The following CADM1 variants were observed in gnomAD, a reference collection of about 807,000 sequenced individuals.
The protein encoded by CADM1 is TSLC-1.
In CADM1, 15 loss-of-function variants were observed where a neutral mutation model predicts 53.1. The observed-to-expected ratio is 0.28, with a 90% confidence interval of 0.19 to 0.44. The LOEUF (loss-of-function observed/expected upper bound fraction) is 0.44, where lower values mean the gene tolerates loss of function less well. Among genes scored for constraint, CADM1 ranks in the 20% least tolerant of loss-of-function variants. The pLI, the probability that CADM1 is intolerant of heterozygous loss-of-function variation, is 1.00. For missense variants in CADM1, 434 were observed against 611.3 expected, an observed-to-expected ratio of 0.71 and a Z score of 3.06; for synonymous variants, 281 against 243.0, an observed-to-expected ratio of 1.16 and a Z score of -1.45.
intron 4 of CADM1, among the ~76,000 whole-genome samples, chr11:115,229,790 A>C (rs1470600119): frequency 6.6e-6 from 1 of 152,230 alleles, no homozygotes; most frequent in Non-Finnish European, 1.5e-5. Context: ...ATCAACAATT[A>C]AGAGAGAAAG....
intron 1 of CADM1, among the ~76,000 whole-genome samples, chr11:115,343,607 A>C (rs944086832): frequency 6.6e-6 from 1 of 152,100 alleles, no homozygotes; most frequent in Non-Finnish European, 1.5e-5. Context: ...TAAAAAGGGA[A>C]AAAGCTGGGG....
At chr11:115,238,316 C>T (rs1284039525) in intron 3 of CADM1, among the ~76,000 whole-genome samples, 184 bp downstream of exon 3, 2 of 152,184 alleles carry the variant, frequency 1.3e-5, no homozygotes, top group African/African-American at 2.4e-5. Context: ...TCTATAAAGA[C>T]TGCTGATTGC....
intron 1 of CADM1, among the ~76,000 whole-genome samples, chr11:115,375,869 A>C (rs1489316592): frequency 6.6e-6 from 1 of 152,180 alleles, no homozygotes; most frequent in Non-Finnish European, 1.5e-5. Context: ...CTCAACTTAC[A>C]ATATTAAATT....
chr11:115,246,689 A>G (rs576131494), intron 1 of CADM1, among the ~76,000 whole-genome samples: 3 of 152,288 alleles, frequency 2.0e-5, no homozygotes, highest in South Asian at 4.1e-4. Flanking sequence ...ATTCATTGCT[A>G]ATTACAAAAG....
At chr11:115,466,795 T>C (rs1226484602) in intron 1 of CADM1, among the ~76,000 whole-genome samples, 3 of 152,200 alleles carry the variant, frequency 2.0e-5, no homozygotes, top group Non-Finnish European at 4.4e-5. Context: ...TCAAAGAGCA[T>C]GAAAGCTGAC....
intron 1 of CADM1, among the ~76,000 whole-genome samples, chr11:115,494,533 T>C (rs1234582862): frequency 6.6e-6 from 1 of 152,172 alleles, no homozygotes; most frequent in Non-Finnish European, 1.5e-5. Flanking sequence ...TACAAAATGA[T>C]TCCATTTACT....
At chr11:115,456,355 G>T (rs972043657) in intron 1 of CADM1, among the ~76,000 whole-genome samples, 2 of 151,710 alleles carry the variant, frequency 1.3e-5, no homozygotes, top group Non-Finnish European at 2.9e-5. Flanking sequence ...GTAACATTTA[G>T]ATTCTACATA....
intron 1 of CADM1, among the ~76,000 whole-genome samples, chr11:115,297,522 T>C (rs1255107057): frequency 1.3e-5 from 2 of 152,206 alleles, no homozygotes; most frequent in South Asian, 4.1e-4. Flanking sequence ...TCAAAGCCGC[T>C]TGGCATTTTT....
intron 8 of CADM1, among the ~76,000 whole-genome samples, chr11:115,209,316 TG>T (rs1325399462): frequency 2.0e-5 from 3 of 152,238 alleles, no homozygotes; most frequent in Non-Finnish European, 4.4e-5. Context: ...CCTAGCATTT[TG>T]CTTTCAATAG....
At chr11:115,416,193 C>T (rs1194123218) in intron 1 of CADM1, among the ~76,000 whole-genome samples, 1 of 152,156 alleles carries the variant, frequency 6.6e-6, no homozygotes, top group African/African-American at 2.4e-5. Context: ...AAAATTTTAG[C>T]TCCAGGTCAT....
chr11:115,270,768 C>A (rs1297346208), intron 1 of CADM1, among the ~76,000 whole-genome samples: 2 of 152,204 alleles, frequency 1.3e-5, no homozygotes. Context: ...GGTTATTAAG[C>A]TCGTTTATTT....
chr11:115,503,837 CCCTCTGGAGAGGTGGGGGCGA>C (rs1407640418), intron 1 of CADM1, among the ~76,000 whole-genome samples: 2 of 151,942 alleles, frequency 1.3e-5, no homozygotes, highest in Non-Finnish European at 2.9e-5. Context: ...ACTGGGGGGG[CCCTCTGGAGAGGTGGGGGCGA>C]ATGGACAGCC....
Position 115,213,755 on chromosome 11 carries a change from T to C in CADM1, c.994+853A>G, listed in dbSNP as rs117095672. 4.7e-3 allele frequency among the ~76,000 whole-genome samples: 712 copies of C among 152,306 alleles called. 15 individuals are homozygous for C. In the East Asian group the frequency reaches 0.063, roughly 13 times the overall value. ...CCCTTCACACACACACATTCAAATA[T>C]TTATAACACATTGAAATGCCGATGC... On this transcript the variant is annotated intron_variant, in intron 7 of 11. Coordinates refer to ENST00000331581, the MANE Select transcript of CADM1 (RefSeq NM_001301043.2).
intron 1 of CADM1, among the ~76,000 whole-genome samples, chr11:115,403,895 C>A (rs1291156753): frequency 6.6e-6 from 1 of 151,436 alleles, no homozygotes; most frequent in Admixed American, 6.6e-5. Flanking sequence ...TTGTGCCCGG[C>A]CTGAAATTAG....
At chr11:115,281,834 A>T (rs1432249726) in intron 1 of CADM1, among the ~76,000 whole-genome samples, 1 of 152,220 alleles carries the variant, frequency 6.6e-6, no homozygotes, top group Non-Finnish European at 1.5e-5. Context: ...AGGTAAGTTT[A>T]AAATCATAAT....
intron 1 of CADM1, among the ~76,000 whole-genome samples, chr11:115,250,642 T>G (rs1942572789): frequency 6.6e-6 from 1 of 152,252 alleles, no homozygotes; most frequent in South Asian, 2.1e-4. Flanking sequence ...GAGGAGGATA[T>G]TCTTTTAATC....
At chr11:115,331,737 A>T in intron 1 of CADM1, among the ~76,000 whole-genome samples, 1 of 152,142 alleles carries the variant, frequency 6.6e-6, no homozygotes, top group East Asian at 1.9e-4. Context: ...AAGGAAAAAA[A>T]ATGGGTACAA....
intron 1 of CADM1, among the ~76,000 whole-genome samples, chr11:115,486,570 C>T (rs2135419025): frequency 6.6e-6 from 1 of 152,252 alleles, no homozygotes; most frequent in Non-Finnish European, 1.5e-5. Flanking sequence ...GTCTCAAGCT[C>T]CTGGGCTCAA....
chr11:115,232,259 T>C (rs1941846617), intron 3 of CADM1, among the ~76,000 whole-genome samples: 1 of 152,198 alleles, frequency 6.6e-6, no homozygotes. Flanking sequence ...ATAAAAATCT[T>C]TGAGTCCCTT....
Sources: allele counts gnomAD v4.1 joint callset (sites outside exome capture counted in the v4.1 genomes callset), GRCh38; gene constraint gnomAD v4.1.1; transcripts MANE v1.5; gene names NCBI Gene and HGNC (gene_info 2026-07-23, HGNC 2026-07-21).